BPNT2: variants seen among roughly 807,000 people sequenced by gnomAD.
BPNT2 encodes the protein Golgi-resident adenosine 3',5'-bisphosphate 3'-phosphatase.
A neutral mutation model predicts 29.3 loss-of-function variants in BPNT2; 11 were observed. That is an observed-to-expected ratio of 0.38 (90% CI 0.24 to 0.62). The LOEUF is 0.62. Ranked by LOEUF, BPNT2 falls within the 20% of genes least tolerant of loss-of-function variation. The pLI is 0.62. For synonymous variants in BPNT2, 195 were observed against 187.7 expected (o/e 1.04, Z -0.32); for missense variants, 459 against 473.4 (o/e 0.97, Z 0.28).
chr8:56,983,758 T>G (rs1423962349), intron 1 of BPNT2, among the ~76,000 whole-genome samples: 1 of 151,898 alleles, frequency 6.6e-6, no homozygotes, highest in Non-Finnish European at 1.5e-5. Flanking sequence ...TTGTTGTTGG[T>G]TTTTTTTAAC....
chr8:56,982,156 G>A (rs1033990244), intron 1 of BPNT2, among the ~76,000 whole-genome samples: 14 of 144,774 alleles, frequency 9.7e-5, no homozygotes, highest in Admixed American at 2.1e-4. Context: ...ACGGAGTCTC[G>A]CTCTGTCACC....
rs886063004 is a variant in BPNT2 at position 56,960,600 on chromosome 8, A to G, written c.*3193T>C. On this transcript the variant is annotated 3_prime_UTR_variant, in exon 5 of 5. Coordinates refer to ENST00000262644, the MANE Select transcript of BPNT2 (RefSeq NM_017813.5). Reference sequence around the variant, plus strand: ...CACTAAAATTGGGGTAGCACATACCAAGACAAACATGACCATCTTGTAGGT... The same window carrying G: ...CACTAAAATTGGGGTAGCACATACCGAGACAAACATGACCATCTTGTAGGT... The G allele has an allele frequency of 2.6e-5, 4 of 152,248 alleles. No homozygotes were observed. In the East Asian group the frequency reaches 7.7e-4, roughly 29 times the overall value. The allele number at this position is 152,248 out of a possible 1,614,324, so 9.4% of individuals were successfully genotyped here. A position where few individuals can be genotyped will look rare whatever the true frequency, so the allele number is the denominator to read the frequency against.
chr8:56,967,565 C>A (rs1487487094), intron 3 of BPNT2, among the ~76,000 whole-genome samples: 1 of 152,072 alleles, frequency 6.6e-6, no homozygotes, highest in Non-Finnish European at 1.5e-5. Context: ...GCCAGGATTT[C>A]TCCCCAGAAG....
At chr8:56,991,478 CT>C (rs1806414904) in intron 1 of BPNT2, among the ~76,000 whole-genome samples, 2 of 152,074 alleles carry the variant, frequency 1.3e-5, no homozygotes, top group Admixed American at 6.6e-5. Flanking sequence ...TTTGTTTTTA[CT>C]TAAAAAAAGA....
chr8:56,983,106 C>T (rs1359486981), intron 1 of BPNT2, among the ~76,000 whole-genome samples: 1 of 151,986 alleles, frequency 6.6e-6, no homozygotes, highest in Non-Finnish European at 1.5e-5. Context: ...TTAATGGGGT[C>T]AGGGGTATTA....
intron 1 of BPNT2, among the ~76,000 whole-genome samples, chr8:56,990,062 T>C (rs1387899929): frequency 6.6e-6 from 1 of 152,218 alleles, no homozygotes; most frequent in Admixed American, 6.5e-5. Flanking sequence ...TCAATGCAAG[T>C]GCTCTGTGCA....
At position 56,993,274 on chromosome 8, in the gene BPNT2, G is replaced by T; in HGVS notation, c.312C>A (p.Asp104Glu). The stretch of plus-strand genomic sequence containing the variant: ...ACAGCACGTCGCCGCTGGTCATCTT[G>T]TCCTCGGCTCCCTCGCGCGTCTTCC... Reference protein sequence around the residue: ...SKGKTREGAEDKMTSGDVLSN... With the variant: ...SKGKTREGAEEKMTSGDVLSN... Residue 104 changes from aspartate to glutamate, a missense_variant, in exon 1 of 5, where the codon GAC becomes GAA. Transcript: ENST00000262644. 6.2e-7 allele frequency: 1 copy of T among 1,611,230 alleles called. No individual in the cohort carries two copies. Among genetic ancestry groups the T allele is most frequent in the Non-Finnish European group, 8.5e-7 (1 of 1,179,956 alleles).
rs535601116 is a variant in BPNT2 at position 56,970,015 on chromosome 8, C to T, written c.647-3663G>A. 1.8e-3 allele frequency among the ~76,000 whole-genome samples: 280 copies of T among 152,202 alleles called. 2 individuals are homozygous for T. The highest frequency in any genetic ancestry group is 6.5e-3 in the African/African-American group (268 of 41,518). ...AATTCCAGTTAATAGAGAAAATTCT[C>T]TATAGAAGAATTCATGCTAATATAT... On this transcript the variant is annotated intron_variant, in intron 3 of 4. Transcript: ENST00000262644.
Position 56,986,262 on chromosome 8 carries a change from C to CA in BPNT2, c.388-6066dup, listed in dbSNP as rs200603039. On this transcript the variant is annotated intron_variant, in intron 1 of 4. Coordinates refer to ENST00000262644, the MANE Select transcript of BPNT2 (RefSeq NM_017813.5). ...AACTCTGAGAAAAAACAAACCAAAA[C>CA]AAAAAAAACATTGCTGTTACTGGAT... 5.9e-3 allele frequency among the ~76,000 whole-genome samples: 897 copies of CA among 151,640 alleles called. 10 individuals are homozygous for CA. The highest frequency in any genetic ancestry group is 0.015 in the South Asian group (71 of 4,802).
chr8:56,974,024 A>C (rs1040634558), intron 3 of BPNT2, among the ~76,000 whole-genome samples: 1 of 152,104 alleles, frequency 6.6e-6, no homozygotes, highest in South Asian at 2.1e-4. Flanking sequence ...TGCCTATTCA[A>C]TGTGAAGACA....
chr8:56,967,144 G>T, intron 3 of BPNT2: 1 of 456,202 alleles, frequency 2.2e-6, no homozygotes, highest in Non-Finnish European at 4.4e-6. Flanking sequence ...TGTTTTAGCA[G>T]TCACTCACTA....
At chr8:56,968,703 A>C (rs910106194) in intron 3 of BPNT2, among the ~76,000 whole-genome samples, 4 of 151,784 alleles carry the variant, frequency 2.6e-5, no homozygotes, top group Non-Finnish European at 5.9e-5. Flanking sequence ...GAGAGGACCT[A>C]AACATCTACA....
At chr8:56,985,925 A>G (rs575326692) in intron 1 of BPNT2, among the ~76,000 whole-genome samples, 1 of 152,324 alleles carries the variant, frequency 6.6e-6, no homozygotes, top group African/African-American at 2.4e-5. Flanking sequence ...TGGCTTAGGC[A>G]ATAAAAAGAA....
intron 3 of BPNT2, among the ~76,000 whole-genome samples, chr8:56,974,862 G>T (rs1414119276): frequency 6.6e-6 from 1 of 152,074 alleles, no homozygotes; most frequent in Non-Finnish European, 1.5e-5. Context: ...TCTAAAAAGG[G>T]GCATTTTATT....
rs1236367803 is a variant in BPNT2 at position 56,986,149 on chromosome 8, C to T, written c.388-5952G>A. Reference sequence around the variant, plus strand: ...TTTCCCTTTTATAAAAGTAAATACTCCTAAGTAGTTTAAGAGCCAGAAGAA... The same window carrying T: ...TTTCCCTTTTATAAAAGTAAATACTTCTAAGTAGTTTAAGAGCCAGAAGAA... On this transcript the variant is annotated intron_variant, in intron 1 of 4. Coordinates refer to ENST00000262644, the MANE Select transcript of BPNT2 (RefSeq NM_017813.5). Among the ~76,000 whole-genome samples, 3 of 152,252 alleles carry T rather than the reference C, an allele frequency of 2.0e-5. No individual in the cohort carries two copies. In the East Asian group the frequency reaches 5.8e-4, roughly 29 times the overall value.
At chr8:56,968,695 G>C (rs185496339) in intron 3 of BPNT2, among the ~76,000 whole-genome samples, 2 of 152,170 alleles carry the variant, frequency 1.3e-5, no homozygotes, top group African/African-American at 4.8e-5. Flanking sequence ...AAAATTAGGA[G>C]AGGACCTAAA....
In BPNT2 at chr8:56,993,835, T is replaced by G. The variant is rs1025495593; in HGVS notation, c.-250A>C. Reference sequence around the variant, plus strand: ...CTAGGTTCTTCCGCCGGCCGGCTGGTCCGACTTCCACGTTAGCCTACGGCC... The same window carrying G: ...CTAGGTTCTTCCGCCGGCCGGCTGGGCCGACTTCCACGTTAGCCTACGGCC... On this transcript the variant is annotated 5_prime_UTR_variant, in exon 1 of 5. Coordinates refer to ENST00000262644, the MANE Select transcript of BPNT2 (RefSeq NM_017813.5). The G allele has an allele frequency of 7.9e-5, 22 of 278,378 alleles. No homozygotes were observed. The highest frequency in any genetic ancestry group is 1.1e-4 in the Non-Finnish European group (20 of 182,606). 17.2% of individuals were successfully genotyped at this position (278,378 alleles called of 1,614,324 possible). A position where few individuals can be genotyped will look rare whatever the true frequency, so the allele number is the denominator to read the frequency against.
intron 3 of BPNT2, among the ~76,000 whole-genome samples, chr8:56,972,153 C>T (rs1806047747): frequency 6.6e-6 from 1 of 151,850 alleles, no homozygotes; most frequent in Non-Finnish European, 1.5e-5. Flanking sequence ...TTTGTCTCTC[C>T]GGCAAACTGC....
intron 3 of BPNT2, among the ~76,000 whole-genome samples, chr8:56,974,108 G>GT (rs543696144): frequency 5.9e-4 from 90 of 152,182 alleles, no homozygotes; most frequent in African/African-American, 1.9e-3. Flanking sequence ...GATTTTCTCA[G>GT]TAACATTTTC....
Sources: gnomAD v4.1 joint callset for allele counts (sites outside exome capture counted in the v4.1 genomes callset) on GRCh38, gnomAD v4.1.1 for gene constraint, MANE v1.5 for transcripts, NCBI Gene and HGNC (gene_info 2026-07-23, HGNC 2026-07-21) for gene names.